The following SPATA17 variants were observed in gnomAD, a reference collection of about 807,000 sequenced individuals.
SPATA17 encodes the protein spermatogenesis-associated protein 17.
SPATA17 carries 53 observed loss-of-function variants against 62.2 expected under a neutral mutation model. The ratio of observed to expected loss-of-function variants is 0.85; its 90% confidence interval spans 0.68 to 1.07. SPATA17 has a LOEUF of 1.07. SPATA17 is among the 50% of genes least tolerant of loss of function. SPATA17 has a pLI of 0.00. For synonymous variants in SPATA17, 146 were observed against 146.8 expected, an observed-to-expected ratio of 0.99 and a Z score of 0.04; for missense variants, 466 against 425.5, an observed-to-expected ratio of 1.10 and a Z score of -0.84.
chr1:217,762,252 TACG>T (rs1225387582), intron 6 of SPATA17, among the ~76,000 whole-genome samples: 1 of 152,206 alleles, frequency 6.6e-6, no homozygotes, highest in Non-Finnish European at 1.5e-5. Flanking sequence ...AGTTGCTAGC[TACG>T]ACCTCTTTTT....
chr1:217,763,807 A>C (rs1405118821), intron 6 of SPATA17, among the ~76,000 whole-genome samples: 1 of 152,082 alleles, frequency 6.6e-6, no homozygotes, highest in African/African-American at 2.4e-5. Context: ...AGTGGGTTGG[A>C]TATATGGGGT....
Position 217,679,103 on chromosome 1 carries a change from A to C in SPATA17, c.292-4155A>C, listed in dbSNP as rs190750930. ...ATAATAGGAAATATAGTACAGTCTC[A>C]TCTATATTGTATTTTACAATATCAA... On this transcript the variant is annotated intron_variant, in intron 4 of 10. Transcript: ENST00000366933. Among the ~76,000 whole-genome samples, 8 of 152,300 alleles carry C rather than the reference A, an allele frequency of 5.3e-5. No homozygotes were observed. In the East Asian group the frequency reaches 1.4e-3, roughly 26 times the overall value.
chr1:217,735,465 T>A (rs1253178814), intron 5 of SPATA17, among the ~76,000 whole-genome samples: 2 of 152,160 alleles, frequency 1.3e-5, no homozygotes, highest in African/African-American at 4.8e-5. Flanking sequence ...CACCTCCAAA[T>A]GCCATCACAT....
chr1:217,734,352 T>C (rs1003689555), intron 5 of SPATA17, among the ~76,000 whole-genome samples: 12 of 152,214 alleles, frequency 7.9e-5, no homozygotes, highest in African/African-American at 2.9e-4. Context: ...CAGAAACTAA[T>C]GCCATTTGAC....
intron 1 of SPATA17, among the ~76,000 whole-genome samples, chr1:217,635,206 A>G (rs964081166): frequency 1.3e-5 from 2 of 152,198 alleles, no homozygotes; most frequent in African/African-American, 4.8e-5. Flanking sequence ...GACAGGCTTC[A>G]GTCAATTTAG....
At chr1:217,797,205 C>T (rs542231341) in intron 8 of SPATA17, among the ~76,000 whole-genome samples, 1 of 151,888 alleles carries the variant, frequency 6.6e-6, no homozygotes, top group African/African-American at 2.4e-5. Flanking sequence ...ATAACTCAGC[C>T]CCTCAGCCCT....
chr1:217,817,757 G>C (rs531239171), intron 9 of SPATA17, among the ~76,000 whole-genome samples: 1 of 152,036 alleles, frequency 6.6e-6, no homozygotes, highest in South Asian at 2.1e-4. Flanking sequence ...TTTCTTCTAG[G>C]TACAATTTTC....
rs561368809 is a variant in SPATA17, at chr1:217,652,734, T to C, written c.240+1556T>C. ...GCCAGACACTGTGGTAAGCATTAAA[T>C]ATGCAATATCTCTGAGTCTTCTACC... On this transcript the variant is annotated intron_variant, in intron 3 of 10. Transcript: ENST00000366933. 2.6e-5 allele frequency among the ~76,000 whole-genome samples: 4 copies of C among 152,330 alleles called. No individual in the cohort carries two copies. In the East Asian group the frequency reaches 7.7e-4, roughly 29 times the overall value.
At chr1:217,786,231 A>G (rs1673857342) in intron 8 of SPATA17, among the ~76,000 whole-genome samples, 1 of 152,176 alleles carries the variant, frequency 6.6e-6, no homozygotes, top group Non-Finnish European at 1.5e-5. Flanking sequence ...TTTTAGTAAC[A>G]TTTACCAAGT....
chr1:217,838,590 G>T (rs1463313026), intron 9 of SPATA17, among the ~76,000 whole-genome samples: 7 of 152,016 alleles, frequency 4.6e-5, no homozygotes, highest in African/African-American at 1.7e-4. Context: ...AAATGAAATT[G>T]TTATAGATAT....
At position 217,754,735 on chromosome 1, in the gene SPATA17, C is replaced by A. The variant is rs1228659578; in HGVS notation, c.519+12637C>A. 3.7e-4 allele frequency among the ~76,000 whole-genome samples: 56 copies of A among 152,084 alleles called. 1 individual carries two copies. Among genetic ancestry groups the A allele is most frequent in the Admixed American group, 3.7e-3 (56 of 15,250 alleles). On this transcript the variant is annotated intron_variant, in intron 6 of 10. Coordinates refer to ENST00000366933, the MANE Select transcript of SPATA17 (RefSeq NM_138796.4). ...AATCTTTCTGTTGAGTATCTGGCAG[C>A]CAGATTTTAAAATTTCAGGCTCTAG...
chr1:217,810,013 A>G (rs1485327998), intron 9 of SPATA17, among the ~76,000 whole-genome samples: 2 of 152,164 alleles, frequency 1.3e-5, no homozygotes, highest in African/African-American at 4.8e-5. Flanking sequence ...GGAGGTGTTC[A>G]TTTCTTTAAA....
intron 9 of SPATA17, among the ~76,000 whole-genome samples, chr1:217,806,063 T>A (rs1290060231): frequency 2.6e-5 from 4 of 152,088 alleles, no homozygotes; most frequent in South Asian, 4.2e-4. Context: ...AATGCAATGG[T>A]AGGACAAGCA....
intron 7 of SPATA17, among the ~76,000 whole-genome samples, chr1:217,779,144 T>TTGTGTGTGTG (rs55714817): frequency 9.4e-5 from 14 of 148,550 alleles, no homozygotes; most frequent in African/African-American, 3.2e-4. Flanking sequence ...GTAAAACAAC[T>TTGTGTGTGTG]TGTGTGTGTG....
At chr1:217,798,844 G>T (rs1674222471) in intron 8 of SPATA17, among the ~76,000 whole-genome samples, 1 of 151,046 alleles carries the variant, frequency 6.6e-6, no homozygotes, top group Non-Finnish European at 1.5e-5. Context: ...GACAATATAA[G>T]CACCCTGGCA....
At chr1:217,780,989 G>T (rs757510485) in intron 7 of SPATA17, among the ~76,000 whole-genome samples, 3 of 151,850 alleles carry the variant, frequency 2.0e-5, no homozygotes, top group Admixed American at 1.3e-4. Flanking sequence ...TCTTAATAGT[G>T]GACTTGGAAT....
At chr1:217,806,034 A>T (rs1674424452) in intron 9 of SPATA17, among the ~76,000 whole-genome samples, 1 of 152,194 alleles carries the variant, frequency 6.6e-6, no homozygotes, top group Admixed American at 6.5e-5. Flanking sequence ...GTGAAACCAG[A>T]CAAGTTACGT....
chr1:217,638,453 C>T (rs756764552), intron 1 of SPATA17, among the ~76,000 whole-genome samples: 3 of 152,238 alleles, frequency 2.0e-5, no homozygotes, highest in East Asian at 1.9e-4. Context: ...TTACCATGCC[C>T]TGAAAGACAG....
intron 3 of SPATA17, among the ~76,000 whole-genome samples, chr1:217,654,829 C>T (rs1670400967): frequency 6.6e-6 from 1 of 151,742 alleles, no homozygotes; most frequent in South Asian, 2.1e-4. Context: ...TCTCCTGCCT[C>T]AGCCTCCCGA....
Sources: allele counts gnomAD v4.1 joint callset (sites outside exome capture counted in the v4.1 genomes callset), GRCh38; gene constraint gnomAD v4.1.1; transcripts MANE v1.5; gene names NCBI Gene and HGNC (gene_info 2026-07-23, HGNC 2026-07-21).